CPA6: variants seen among roughly 807,000 people sequenced by gnomAD.
CPA6 encodes carboxypeptidase B.
A neutral mutation model predicts 63.3 loss-of-function variants in CPA6; 58 were observed. The ratio of observed to expected loss-of-function variants is 0.92; its 90% CI spans 0.74 to 1.14. The LOEUF is 1.14. CPA6 is among the 50% of genes most tolerant of loss of function. The probability of loss-of-function intolerance (pLI) is 0.00; values close to 1 mark genes in which losing one functional copy is unlikely to be tolerated. For synonymous variants in CPA6, 185 were observed against 179.0 expected (o/e 1.03, Z -0.27); for missense variants, 565 against 526.6 (o/e 1.07, Z -0.71).
At chr8:67,690,366 T>A (rs1816791795) in intron 1 of CPA6, among the ~76,000 whole-genome samples, 1 of 152,218 alleles carries the variant, frequency 6.6e-6, no homozygotes, top group Non-Finnish European at 1.5e-5. Context: ...TATTAATTAC[T>A]ATTACAAATT....
At chr8:67,507,317 C>G (rs1811951219) in intron 5 of CPA6, among the ~76,000 whole-genome samples, 1 of 152,092 alleles carries the variant, frequency 6.6e-6, no homozygotes, top group Non-Finnish European at 1.5e-5. Context: ...AGTCCTCCCT[C>G]ATCCCCTTTC....
chr8:67,657,111 G>A (rs1816003853), intron 1 of CPA6, among the ~76,000 whole-genome samples: 1 of 152,224 alleles, frequency 6.6e-6, no homozygotes, highest in South Asian at 2.1e-4. Context: ...CAATGGCTCA[G>A]AAGAGTATGG....
intron 8 of CPA6, among the ~76,000 whole-genome samples, chr8:67,468,745 A>T (rs1018666188): frequency 1.3e-5 from 2 of 152,320 alleles, no homozygotes; most frequent in Admixed American, 1.3e-4. Flanking sequence ...GGCTTCTAGA[A>T]TAAAATCTGC....
chr8:67,711,955 C>T (rs1190768488), intron 1 of CPA6, among the ~76,000 whole-genome samples: 2 of 152,024 alleles, frequency 1.3e-5, no homozygotes, highest in South Asian at 2.1e-4. Flanking sequence ...AGGTCCAAGC[C>T]GATCTGCACT....
At chr8:67,473,843 G>GTGA (rs1811116553) in intron 8 of CPA6, among the ~76,000 whole-genome samples, 1 of 152,092 alleles carries the variant, frequency 6.6e-6, no homozygotes, top group African/African-American at 2.4e-5. Context: ...CCGGGCTCAG[G>GTGA]TGATCTGCCT....
rs1811857024 is a variant in CPA6 at position 67,502,887 on chromosome 8, G to A, written c.636+3900C>T. ...TTATACTTGTTGAGGTCTATGTTTT[G>A]GAAGAGGATATGGTATATTTTAGAA... On this transcript the variant is annotated intron_variant, in intron 6 of 10. Transcript: ENST00000297770. Among the ~76,000 whole-genome samples the A allele has an allele frequency of 2.0e-5, 3 of 152,236 alleles. No individual in the cohort carries two copies. The South Asian group carries it at 6.2e-4, about 32-fold the overall frequency.
intron 2 of CPA6, among the ~76,000 whole-genome samples, chr8:67,604,842 G>T (rs1422258123): frequency 6.6e-6 from 1 of 152,012 alleles, no homozygotes; most frequent in Non-Finnish European, 1.5e-5. Context: ...CAATGGTGCG[G>T]TCTCAGCTCA....
At chr8:67,731,011 G>A (rs1173155977) in intron 1 of CPA6, among the ~76,000 whole-genome samples, 1 of 152,184 alleles carries the variant, frequency 6.6e-6, no homozygotes, top group African/African-American at 2.4e-5. Context: ...AAATGAGACT[G>A]GGTGACCATG....
At chr8:67,629,246 A>C (rs909905390) in intron 1 of CPA6, among the ~76,000 whole-genome samples, 7 of 152,158 alleles carry the variant, frequency 4.6e-5, no homozygotes, top group African/African-American at 1.7e-4. Context: ...GTAGGAGAAT[A>C]GCTTGAGGCC....
rs1818011322 is a variant in CPA6 at position 67,746,297 on chromosome 8, A to G, written c.-168T>C. The G allele has an allele frequency of 4.1e-6, 2 of 482,438 alleles. No individual in the cohort carries two copies. Among genetic ancestry groups the G allele is most frequent in the Non-Finnish European group, 7.5e-6 (2 of 265,130 alleles). The allele number at this position is 482,438 out of a possible 1,614,324, so 29.9% of individuals were successfully genotyped here. On this transcript the variant is annotated 5_prime_UTR_variant, in exon 1 of 11. Coordinates refer to ENST00000297770, the MANE Select transcript of CPA6 (RefSeq NM_020361.5). Reference sequence around the variant, plus strand: ...CTCTCCAGCTACAAGGGAAAAAAAAAGTTCAGGCAGCTGAGGAAGGGAAGT... The same window carrying G: ...CTCTCCAGCTACAAGGGAAAAAAAAGGTTCAGGCAGCTGAGGAAGGGAAGT...
chr8:67,475,832 TTTC>T (rs765183625), intron 8 of CPA6, among the ~76,000 whole-genome samples: 1,439 of 55,432 alleles, frequency 0.026, 29 homozygotes, highest in South Asian at 0.038. Flanking sequence ...CTTTTCTTTC[TTTC>T]TTTCTTTCTT....
At chr8:67,551,687 A>G (rs968503829) in intron 2 of CPA6, among the ~76,000 whole-genome samples, 6 of 152,090 alleles carry the variant, frequency 3.9e-5, no homozygotes, top group Non-Finnish European at 5.9e-5. Context: ...TATATCATCT[A>G]TGATTTCTTT....
intron 8 of CPA6, among the ~76,000 whole-genome samples, chr8:67,436,232 C>T (rs1482414901): frequency 3.9e-5 from 6 of 152,174 alleles, no homozygotes; most frequent in South Asian, 2.1e-4. Flanking sequence ...AGGAGAGAGG[C>T]GAGAGGCAAG....
rs1818011130 is a variant in CPA6, at chr8:67,746,293, A to G, written c.-164T>C. The G allele has an allele frequency of 2.0e-6, 1 of 491,006 alleles. No homozygotes were observed. Among genetic ancestry groups the G allele is most frequent in the South Asian group, 4.0e-5 (1 of 24,800 alleles). 30.4% of individuals were successfully genotyped at this position (491,006 alleles called of 1,614,324 possible). On this transcript the variant is annotated 5_prime_UTR_variant, in exon 1 of 11. Coordinates refer to ENST00000297770, the MANE Select transcript of CPA6 (RefSeq NM_020361.5). ...ACTTCTCTCCAGCTACAAGGGAAAA[A>G]AAAAGTTCAGGCAGCTGAGGAAGGG...
chr8:67,533,280 A>G (rs1482056260), intron 2 of CPA6, among the ~76,000 whole-genome samples: 1 of 152,222 alleles, frequency 6.6e-6, no homozygotes, highest in Non-Finnish European at 1.5e-5. Context: ...GGGTAGAATG[A>G]GGATGATTGC....
chr8:67,724,374 C>T lies in CPA6; in HGVS notation c.116+21640G>A, dbSNP rs149075436. ...GCTGTCCTTTTGACGTGTGCCCCCA[C>T]GTCTCCCCTTTCAACTCTGCAGCGA... On this transcript the variant is annotated intron_variant, in intron 1 of 10. Coordinates refer to ENST00000297770, the MANE Select transcript of CPA6 (RefSeq NM_020361.5). Among the ~76,000 whole-genome samples, 40 of 152,318 alleles carry T rather than the reference C, an allele frequency of 2.6e-4. No individual in the cohort carries two copies. In the East Asian group the frequency reaches 7.1e-3, roughly 27 times the overall value.
chr8:67,741,624 C>T (rs1251067936), intron 1 of CPA6, among the ~76,000 whole-genome samples: 2 of 152,136 alleles, frequency 1.3e-5, no homozygotes, highest in South Asian at 2.1e-4. Context: ...TCAATAGGAG[C>T]GAGAACCCTA....
At chr8:67,469,170 T>C (rs1369927028) in intron 8 of CPA6, among the ~76,000 whole-genome samples, 2 of 152,246 alleles carry the variant, frequency 1.3e-5, no homozygotes, top group Admixed American at 1.3e-4. Context: ...AGCACCTATA[T>C]AATATTTGGT....
At chr8:67,515,818 C>T (rs931581846) in intron 3 of CPA6, among the ~76,000 whole-genome samples, 1 of 152,266 alleles carries the variant, frequency 6.6e-6, no homozygotes, top group South Asian at 2.1e-4. Context: ...GATCTTGTCA[C>T]GAGCCATAAA....
Sources: gnomAD v4.1 joint callset for allele counts (sites outside exome capture counted in the v4.1 genomes callset) on GRCh38, gnomAD v4.1.1 for gene constraint, MANE v1.5 for transcripts, NCBI Gene and HGNC (gene_info 2026-07-23, HGNC 2026-07-21) for gene names.